The following SGCD variants were observed in gnomAD, a reference collection of about 807,000 sequenced individuals.
The protein encoded by SGCD is sarcoglycan delta.
A neutral mutation model predicts 36.6 loss-of-function variants in SGCD; 18 were observed. The ratio of observed to expected loss-of-function variants is 0.49; its 90% CI spans 0.34 to 0.73. The LOEUF (loss-of-function observed/expected upper bound fraction) is 0.73. Among genes scored for constraint, SGCD ranks in the 30% least tolerant of loss-of-function variants. The probability of loss-of-function intolerance (pLI) is 0.01; values close to 1 mark genes in which losing one functional copy is unlikely to be tolerated. For missense variants in SGCD, 387 were observed against 346.7 expected (o/e 1.12, Z -0.92); for synonymous variants, 133 against 130.6 (o/e 1.02, Z -0.12).
At position 156,355,440 on chromosome 5, in the gene SGCD, C is replaced by CT. The variant is rs544429681; in HGVS notation, c.192+10766dup. Among the ~76,000 whole-genome samples, 31 of 151,260 alleles carry CT rather than the reference C, an allele frequency of 2.0e-4. 1 individual carries two copies. In the East Asian group the frequency reaches 5.8e-3, roughly 28 times the overall value. On this transcript the variant is annotated intron_variant, in intron 3 of 8. Transcript: ENST00000337851. ...CACATTCATTCTGTCTCATTTCTTC[C>CT]TTTCAATATTCTTAATTGGAAAAGT...
At chr5:156,618,065 C>A (rs927536189) in intron 6 of SGCD, among the ~76,000 whole-genome samples, 1 of 152,076 alleles carries the variant, frequency 6.6e-6, no homozygotes, top group Admixed American at 6.5e-5. Flanking sequence ...TTTTTCTCTT[C>A]CTTTCTGAAG....
intron 3 of SGCD, among the ~76,000 whole-genome samples, chr5:156,144,608 T>A (rs1330164288): frequency 6.6e-6 from 1 of 152,232 alleles, no homozygotes; most frequent in Admixed American, 6.5e-5. Flanking sequence ...TATAAATTTG[T>A]TTGTGTTCAT....
intron 7 of SGCD, among the ~76,000 whole-genome samples, chr5:156,681,187 A>C (rs922176670): frequency 6.6e-6 from 1 of 152,174 alleles, no homozygotes; most frequent in African/African-American, 2.4e-5. Context: ...ATCAGGTCAC[A>C]CGAACTGTTT....
chr5:156,737,742 A>G (rs541378661), intron 7 of SGCD, among the ~76,000 whole-genome samples: 26 of 152,310 alleles, frequency 1.7e-4, no homozygotes, highest in African/African-American at 6.3e-4. Context: ...CAGGCAGTAT[A>G]CTTACATTGA....
At chr5:156,757,730 C>G in intron 8 of SGCD, 26 bp downstream of exon 8, 1 of 1,591,802 alleles carries the variant, frequency 6.3e-7, no homozygotes, top group Non-Finnish European at 8.6e-7. Context: ...GACAGAAGTT[C>G]AAAGAGCTAC....
chr5:156,628,660 G>T (rs890985529), intron 6 of SGCD, among the ~76,000 whole-genome samples: 4 of 152,190 alleles, frequency 2.6e-5, no homozygotes, highest in Non-Finnish European at 5.9e-5. Flanking sequence ...TGCCAGTTTT[G>T]TTTTCTACTT....
In SGCD at chr5:156,534,509, C is replaced by A. The variant is rs183142752; in HGVS notation, c.294+25807C>A. 1.3e-3 allele frequency among the ~76,000 whole-genome samples: 192 copies of A among 152,276 alleles called. 1 individual carries two copies. The highest frequency in any genetic ancestry group is 4.3e-3 in the African/African-American group (178 of 41,552). On this transcript the variant is annotated intron_variant, in intron 4 of 8. Coordinates refer to ENST00000337851, the MANE Select transcript of SGCD (RefSeq NM_000337.6). ...TGGTATGAGTTCTGTCTGTTTAACT[C>A]CATAGCCTTCAGCCATGCAGGAAGG...
chr5:156,323,030 A>G (rs1398667954), upstream of SGCD, among the ~76,000 whole-genome samples: 1 of 152,198 alleles, frequency 6.6e-6, no homozygotes, highest in Non-Finnish European at 1.5e-5. Flanking sequence ...CCCTGGCTCT[A>G]GTCAGCTTAA....
chr5:155,775,262 A>C, the SGCD span, among the ~76,000 whole-genome samples: 1 of 152,126 alleles, frequency 6.6e-6, no homozygotes, highest in East Asian at 1.9e-4. Flanking sequence ...GTTTGTGTAC[A>C]TGATTTGTCT....
chr5:156,723,924 A>G (rs944703905), intron 7 of SGCD, among the ~76,000 whole-genome samples: 7 of 151,682 alleles, frequency 4.6e-5, no homozygotes, highest in African/African-American at 1.7e-4. Flanking sequence ...ATAAGAGATC[A>G]CTCTTTCTGC....
intron 4 of SGCD, among the ~76,000 whole-genome samples, chr5:156,556,744 A>G (rs1759037109): frequency 6.6e-6 from 1 of 152,212 alleles, no homozygotes; most frequent in African/African-American, 2.4e-5. Flanking sequence ...CTGAGAAACA[A>G]CTTAGGCTTT....
chr5:156,015,919 C>A (rs1226223218), intron 1 of SGCD, among the ~76,000 whole-genome samples: 3 of 148,980 alleles, frequency 2.0e-5, no homozygotes, highest in Admixed American at 6.7e-5. Flanking sequence ...ATATATATAT[C>A]ATCCATATAT....
In SGCD at chr5:155,942,643, A is replaced by G. The variant is rs572803205; in HGVS notation, c.-282+72219A>G. Among the ~76,000 whole-genome samples, 21 of 152,350 alleles carry G rather than the reference A, an allele frequency of 1.4e-4. 1 individual carries two copies. In the South Asian group the frequency reaches 4.1e-3, roughly 30 times the overall value. ...AATGGAGGCAGAATTTGGAGTTTCAATAAAGTCAAGTGTTGGCTAAAATAA... is the reference window on the plus strand; with the variant it reads ...AATGGAGGCAGAATTTGGAGTTTCAGTAAAGTCAAGTGTTGGCTAAAATAA... On this transcript the variant is annotated intron_variant, in intron 1 of 9. Transcript: ENST00000517913.
chr5:156,723,627 G>A (rs970583031), intron 7 of SGCD, among the ~76,000 whole-genome samples: 5 of 152,216 alleles, frequency 3.3e-5, no homozygotes, highest in Non-Finnish European at 5.9e-5. Flanking sequence ...AAATGAGGAG[G>A]AAAGCCTCCC....
At chr5:156,285,398 G>A (rs1275886093) in intron 3 of SGCD, among the ~76,000 whole-genome samples, 1 of 152,164 alleles carries the variant, frequency 6.6e-6, no homozygotes, top group East Asian at 1.9e-4. Context: ...AAAGCTGGAG[G>A]CATCATGCTA....
chr5:156,604,220 G>A (rs929054687), intron 6 of SGCD, among the ~76,000 whole-genome samples: 1 of 151,614 alleles, frequency 6.6e-6, no homozygotes, highest in African/African-American at 2.4e-5. Context: ...ACTCCTGCTT[G>A]CTTTTCATTT....
chr5:156,318,709 C>T (rs1413640427), intron 3 of SGCD, among the ~76,000 whole-genome samples: 2 of 151,912 alleles, frequency 1.3e-5, no homozygotes, highest in Non-Finnish European at 2.9e-5. Context: ...GATTCTCCTG[C>T]CTCAGCATCC....
chr5:156,550,954 C>T (rs1758769385), intron 4 of SGCD, among the ~76,000 whole-genome samples: 1 of 152,194 alleles, frequency 6.6e-6, no homozygotes, highest in South Asian at 2.1e-4. Context: ...TCAAGACAGA[C>T]ATCTTATTTA....
chr5:155,996,989 G>A (rs184602023), intron 1 of SGCD, among the ~76,000 whole-genome samples: 4 of 152,052 alleles, frequency 2.6e-5, no homozygotes, highest in Admixed American at 6.6e-5. Context: ...TTGCATTAAT[G>A]TCCTTTCCAT....
Sources: gnomAD v4.1 joint callset for allele counts (sites outside exome capture counted in the v4.1 genomes callset) on GRCh38, gnomAD v4.1.1 for gene constraint, MANE v1.5 for transcripts, NCBI Gene and HGNC (gene_info 2026-07-23, HGNC 2026-07-21) for gene names.